The following RASA2 variants were observed in gnomAD, a reference collection of about 807,000 sequenced individuals.
RASA2 encodes RAS p21 protein activator 2.
A neutral mutation model predicts 118.2 loss-of-function variants in RASA2; 155 were observed. The ratio of observed to expected loss-of-function variants is 1.31; its 90% CI spans 1.15 to 1.50. RASA2 has a LOEUF of 1.50. Among genes scored for constraint, RASA2 ranks in the 40% most tolerant of loss-of-function variants. The probability of loss-of-function intolerance (pLI) is 0.00; values close to 1 mark genes in which losing one functional copy is unlikely to be tolerated. For synonymous variants in RASA2, 353 were observed against 349.1 expected (o/e 1.01, Z -0.12); for missense variants, 1,016 against 1,009.6 (o/e 1.01, Z -0.09).
intron 9 of RASA2, 94 bp from the exon 10 acceptor site, chr3:141,570,813 GACTTT>G: frequency 8.6e-7 from 1 of 1,156,552 alleles, no homozygotes; most frequent in South Asian, 1.5e-5. Context: ...ATACTAAGTT[GACTTT>G]TTTGGTTTAG....
At chr3:141,559,594 G>C (rs1026315066) in intron 8 of RASA2, among the ~76,000 whole-genome samples, 1 of 151,974 alleles carries the variant, frequency 6.6e-6, no homozygotes, top group Non-Finnish European at 1.5e-5. Flanking sequence ...TCTTATTGTA[G>C]TTTCTTTCTG....
chr3:141,511,197 C>G (rs1267367844), intron 1 of RASA2, among the ~76,000 whole-genome samples: 3 of 152,050 alleles, frequency 2.0e-5, no homozygotes, highest in African/African-American at 7.2e-5. Context: ...AAGGGCACAT[C>G]TTGGGGAAAG....
At chr3:141,570,087 C>CTT (rs765302553) in intron 9 of RASA2, among the ~76,000 whole-genome samples, 184 of 120,240 alleles carry the variant, frequency 1.5e-3, no homozygotes, top group African/African-American at 4.7e-3. Flanking sequence ...TGATAAAAAG[C>CTT]TTTTTTTTTT....
intron 3 of RASA2, among the ~76,000 whole-genome samples, chr3:141,529,460 A>G (rs1323839021): frequency 6.6e-6 from 1 of 152,228 alleles, no homozygotes; most frequent in South Asian, 2.1e-4. Context: ...CTGTAATACA[A>G]CTGAGGTTTT....
chr3:141,538,286 T>G lies in RASA2; in HGVS notation c.451-2247T>G, dbSNP rs1395778917. Among the ~76,000 whole-genome samples the G allele has an allele frequency of 5.3e-5, 8 of 152,202 alleles. No individual in the cohort carries two copies. The South Asian group carries it at 1.7e-3, about 31-fold the overall frequency. ...GTTTTAAATAATTTAAAACTTTATTTTTCTTTACTAAGAACAACACAGTAG... is the reference window on the plus strand; with the variant it reads ...GTTTTAAATAATTTAAAACTTTATTGTTCTTTACTAAGAACAACACAGTAG... On this transcript the variant is annotated intron_variant, in intron 4 of 23. Coordinates refer to ENST00000286364, the MANE Select transcript of RASA2 (RefSeq NM_006506.5).
In RASA2 at chr3:141,573,145, A is replaced by C. The variant is rs1374092931; in HGVS notation, c.1285-2A>C. On this transcript the variant is annotated splice_acceptor_variant, in intron 12 of 23. Transcript: ENST00000286364. LOFTEE classifies it high-confidence loss of function. ...TCATTAACTGAAAAATTTATTTTTC[A>C]GATATGTGACTCCTCAAAATCCTGT... The C allele has an allele frequency of 6.4e-7, 1 of 1,553,670 alleles. No individual in the cohort carries two copies.
At chr3:141,606,609 CTT>C (rs1225028921) in intron 19 of RASA2, among the ~76,000 whole-genome samples, 3 of 151,954 alleles carry the variant, frequency 2.0e-5, no homozygotes, top group African/African-American at 7.3e-5. Flanking sequence ...AATTAAGTGA[CTT>C]TATCTTTTTT....
intron 19 of RASA2, among the ~76,000 whole-genome samples, chr3:141,602,879 A>T (rs1577823779): frequency 6.6e-6 from 1 of 152,204 alleles, no homozygotes; most frequent in Non-Finnish European, 1.5e-5. Context: ...TATTCCACAT[A>T]CATGCCTACG....
At chr3:141,603,019 G>T (rs142346029) in intron 19 of RASA2, among the ~76,000 whole-genome samples, 38 of 152,174 alleles carry the variant, frequency 2.5e-4, no homozygotes, top group African/African-American at 8.4e-4. Context: ...GCCTAACTTG[G>T]GGATAATGGA....
intron 19 of RASA2, among the ~76,000 whole-genome samples, chr3:141,606,454 A>G (rs1406665999): frequency 6.6e-6 from 1 of 152,280 alleles, no homozygotes; most frequent in East Asian, 1.9e-4. Context: ...TGTAGCATTC[A>G]TCTCTATTTA....
chr3:141,559,745 A>T (rs1406086334), intron 8 of RASA2, 149 bp from the exon 9 acceptor site: 1 of 587,442 alleles, frequency 1.7e-6, no homozygotes, highest in East Asian at 2.9e-5. Context: ...TCTAGTCTGG[A>T]TAGTGAGGTA....
chr3:141,516,221 AAAG>A (rs2082023348), intron 2 of RASA2, 104 bp from the exon 3 acceptor site: 3 of 755,192 alleles, frequency 4.0e-6, no homozygotes, highest in Middle Eastern at 5.7e-4. Context: ...TATATTAAAA[AAAG>A]AAAGTGATAT....
Position 141,559,894 on chromosome 3 carries a change from G to C in RASA2, c.762G>C (p.Arg254Ser). 1 of 1,612,430 alleles carries C rather than the reference G, an allele frequency of 6.2e-7. No individual in the cohort carries two copies. The highest frequency in any genetic ancestry group is 8.5e-7 in the Non-Finnish European group (1 of 1,178,866). Residue 254 changes from arginine to serine, a missense_variant and splice_region_variant, in exon 9 of 24, where the codon AGG becomes AGC. Around this residue, in one of 2 missense-constraint regions of RASA2, gnomAD observed 896 missense variants for 836.4 expected, o/e 1.07. Coordinates refer to ENST00000286364, the MANE Select transcript of RASA2 (RefSeq NM_006506.5). ...EEEDIEKLEI[R>S]IDLWNNGNLV... ...CATAAAGCCAGTTTTCAATTTTCAG[G>C]ATCGACTTGTGGAACAATGGAAACC...
intron 7 of RASA2, among the ~76,000 whole-genome samples, 172 bp from the exon 8 acceptor site, chr3:141,558,714 C>A (rs771765152): frequency 2.6e-5 from 4 of 151,736 alleles, no homozygotes; most frequent in African/African-American, 9.7e-5. Context: ...CTACCTTATT[C>A]TTTTCTGCTA....
chr3:141,560,042 G>A (rs1053309403), intron 9 of RASA2, 47 bp downstream of exon 9: 16 of 1,452,388 alleles, frequency 1.1e-5, no homozygotes, highest in Non-Finnish European at 1.3e-5. Context: ...ATTCTCTTTA[G>A]TACAGTATAT....
chr3:141,571,145 C>A, intron 10 of RASA2, 77 bp downstream of exon 10: 1 of 1,409,464 alleles, frequency 7.1e-7, no homozygotes, highest in Non-Finnish European at 9.5e-7. Flanking sequence ...GAAAAGATTT[C>A]AAGAGTATCA....
In RASA2 at chr3:141,543,876, C is replaced by CTTTTTT. The variant is rs529631210; in HGVS notation, c.527+3279_527+3284dup. The stretch of plus-strand genomic sequence containing the variant: ...TTTTTTCTTTCTTTCTTTCTTTTTT[C>CTTTTTT]TTTTTTTTTTTTTTTTTGATATGGA... On this transcript the variant is annotated intron_variant, in intron 5 of 23. Coordinates refer to ENST00000286364, the MANE Select transcript of RASA2 (RefSeq NM_006506.5). 1.1e-3 allele frequency among the ~76,000 whole-genome samples: 131 copies of CTTTTTT among 117,270 alleles called. 3 individuals carry two copies. In the East Asian group the frequency reaches 0.016, roughly 15 times the overall value. 76.9% of individuals were successfully genotyped at this position (117,270 alleles called of 152,430 possible).
At chr3:141,504,981 C>G (rs193283428) in intron 1 of RASA2, among the ~76,000 whole-genome samples, 211 of 152,266 alleles carry the variant, frequency 1.4e-3, no homozygotes, top group African/African-American at 4.8e-3. Flanking sequence ...TGGCTTATAC[C>G]CTCAATGACT....
chr3:141,519,616 G>A (rs2082081143), intron 3 of RASA2, among the ~76,000 whole-genome samples: 1 of 152,132 alleles, frequency 6.6e-6, no homozygotes, highest in South Asian at 2.1e-4. Flanking sequence ...TTTGCTGAAA[G>A]TGAAAGAAAA....
Sources: gnomAD v4.1 joint callset for allele counts (sites outside exome capture counted in the v4.1 genomes callset) on GRCh38, gnomAD v4.1.1 for gene constraint, gnomAD v4.1.1 regional missense constraint, MANE v1.5 for transcripts, NCBI Gene and HGNC (gene_info 2026-07-23, HGNC 2026-07-21) for gene names.